Variants in TRIM2 observed in about 807,000 individuals in gnomAD.
The protein encoded by TRIM2 is tripartite motif containing 2.
In TRIM2, 20 loss-of-function variants were observed where a neutral mutation model predicts 75.2. The observed-to-expected ratio is 0.27, with a 90% CI of 0.19 to 0.39. TRIM2 has a LOEUF of 0.39. Ranked by LOEUF, TRIM2 falls within the 10% of genes least tolerant of loss-of-function variation. The pLI, the probability that TRIM2 is intolerant of heterozygous loss-of-function variation, is 1.00. For synonymous variants in TRIM2, 373 were observed against 388.3 expected (o/e 0.96, Z 0.46); for missense variants, 660 against 990.8 (o/e 0.67, Z 4.48).
At chr4:153,172,239 G>C (rs919083460) in intron 1 of TRIM2, among the ~76,000 whole-genome samples, 8 of 151,810 alleles carry the variant, frequency 5.3e-5, no homozygotes, top group Non-Finnish European at 8.8e-5. Context: ...CCAGGCCGGA[G>C]TGCAGTGGTG....
At chr4:153,197,597 C>G (rs1250827550) in intron 1 of TRIM2, among the ~76,000 whole-genome samples, 1 of 152,118 alleles carries the variant, frequency 6.6e-6, no homozygotes, top group Non-Finnish European at 1.5e-5. Context: ...ATAAAAGAGA[C>G]CAAGTGGCTC....
intron 1 of TRIM2, among the ~76,000 whole-genome samples, chr4:153,243,222 C>T (rs374350518): frequency 6.6e-6 from 1 of 152,204 alleles, no homozygotes; most frequent in African/African-American, 2.4e-5. Context: ...CTATCAGTAC[C>T]GCCAAACTGA....
chr4:153,198,490 T>A (rs1214381894), intron 1 of TRIM2, among the ~76,000 whole-genome samples: 1 of 152,160 alleles, frequency 6.6e-6, no homozygotes, highest in East Asian at 1.9e-4. Context: ...TCCCCAGCCA[T>A]GTGGAACTGT....
At chr4:153,285,761 G>A (rs979113121) in intron 3 of TRIM2, among the ~76,000 whole-genome samples, 10 of 88,410 alleles carry the variant, frequency 1.1e-4, no homozygotes, top group Non-Finnish European at 1.8e-4. Flanking sequence ...ATGTGTGTGC[G>A]TGTGTGTGTG....
At chr4:153,179,047 C>T (rs939781980) in intron 1 of TRIM2, among the ~76,000 whole-genome samples, 6 of 151,836 alleles carry the variant, frequency 4.0e-5, no homozygotes, top group Non-Finnish European at 7.4e-5. Context: ...AAAATTAGCC[C>T]AGGTATGGTG....
At chr4:153,229,981 A>G (rs1048030751) in intron 1 of TRIM2, among the ~76,000 whole-genome samples, 1 of 152,172 alleles carries the variant, frequency 6.6e-6, no homozygotes, top group Admixed American at 6.5e-5. Flanking sequence ...CAGCCAGTTC[A>G]TTCAGCTACT....
chr4:153,159,296 C>CTTTTTTTTTTT (rs11318531), intron 1 of TRIM2, among the ~76,000 whole-genome samples: 32 of 89,178 alleles, frequency 3.6e-4, no homozygotes, highest in Non-Finnish European at 4.4e-4. Flanking sequence ...TTTACAAAAT[C>CTTTTTTTTTTT]TTTTTTTTTT....
chr4:153,227,799 C>T (rs544969911), intron 1 of TRIM2, among the ~76,000 whole-genome samples: 1 of 152,012 alleles, frequency 6.6e-6, no homozygotes, highest in Non-Finnish European at 1.5e-5. Flanking sequence ...CTGACCACAC[C>T]CTCCCCCGCT....
At chr4:153,297,312 G>C (rs545131688) in intron 6 of TRIM2, among the ~76,000 whole-genome samples, 2 of 152,284 alleles carry the variant, frequency 1.3e-5, no homozygotes, top group African/African-American at 4.8e-5. Context: ...CAGAGTGGAC[G>C]AGCTTGGGTG....
chr4:153,318,962 A>T (rs1768312057), intron 8 of TRIM2, among the ~76,000 whole-genome samples: 3 of 152,234 alleles, frequency 2.0e-5, no homozygotes, highest in African/African-American at 7.2e-5. Flanking sequence ...ATAGGTGTTG[A>T]TCAAAACCCA....
At chr4:153,292,929 T>C (rs1207345460) in intron 3 of TRIM2, 53 bp from the exon 4 acceptor site, 1 of 1,496,320 alleles carries the variant, frequency 6.7e-7, no homozygotes, top group Admixed American at 2.0e-5. Flanking sequence ...TAGTGTAGAG[T>C]AAGCCCTCAA....
rs140396812 is a variant in TRIM2 at position 153,252,552 on chromosome 4, C to T, written c.31-17783C>T. On this transcript the variant is annotated intron_variant, in intron 1 of 11. Coordinates refer to ENST00000338700, the MANE Select transcript of TRIM2 (RefSeq NM_015271.5). The stretch of plus-strand genomic sequence containing the variant: ...TCTGAGATGGAGTCTCACTCTGTCA[C>T]CCAGGCTGGAGTGCAGTGGCATGAT... 1.4e-3 allele frequency among the ~76,000 whole-genome samples: 214 copies of T among 152,318 alleles called. 1 individual carries two copies. Among genetic ancestry groups the T allele is most frequent in the African/African-American group, 4.8e-3 (199 of 41,564 alleles).
At chr4:153,332,958 A>G (rs910846598) in intron 11 of TRIM2, among the ~76,000 whole-genome samples, 1 of 152,210 alleles carries the variant, frequency 6.6e-6, no homozygotes, top group African/African-American at 2.4e-5. Flanking sequence ...CCCATAAATT[A>G]TACTCCTGGC....
chr4:153,247,678 A>AAAAG (rs1749603883), intron 1 of TRIM2, among the ~76,000 whole-genome samples: 1 of 29,842 alleles, frequency 3.4e-5, no homozygotes, highest in South Asian at 7.1e-4. Flanking sequence ...ACTCTGTCTC[A>AAAAG]AAAAAAAAAA....
At chr4:153,230,085 GTCTT>G (rs1743215995) in intron 1 of TRIM2, among the ~76,000 whole-genome samples, 1 of 152,216 alleles carries the variant, frequency 6.6e-6, no homozygotes, top group Non-Finnish European at 1.5e-5. Flanking sequence ...TCCTAGATCT[GTCTT>G]TCAGTCTCTA....
At chr4:153,280,466 C>A (rs1759066827) in intron 3 of TRIM2, among the ~76,000 whole-genome samples, 1 of 144,308 alleles carries the variant, frequency 6.9e-6, no homozygotes, top group African/African-American at 2.6e-5. Context: ...TTCACTGTAA[C>A]CTCCAACTCC....
chr4:153,257,928 T>C (rs566615360), intron 1 of TRIM2, among the ~76,000 whole-genome samples: 1 of 152,304 alleles, frequency 6.6e-6, no homozygotes, highest in East Asian at 1.9e-4. Flanking sequence ...AGGCACCAAA[T>C]TAACAAGTAT....
At chr4:153,192,100 C>A (rs537973076) in intron 1 of TRIM2, among the ~76,000 whole-genome samples, 2 of 152,276 alleles carry the variant, frequency 1.3e-5, no homozygotes, top group East Asian at 3.9e-4. Context: ...TTTAGTGAAA[C>A]CCCAGAGCAA....
At chr4:153,272,394 C>A (rs192103315) in intron 2 of TRIM2, among the ~76,000 whole-genome samples, 1 of 152,292 alleles carries the variant, frequency 6.6e-6, no homozygotes, top group Admixed American at 6.5e-5. Flanking sequence ...ATGATCTGCC[C>A]AGCTCGGCCT....
Sources: gnomAD v4.1 joint callset for allele counts (sites outside exome capture counted in the v4.1 genomes callset) on GRCh38, gnomAD v4.1.1 for gene constraint, MANE v1.5 for transcripts, NCBI Gene and HGNC (gene_info 2026-07-23, HGNC 2026-07-21) for gene names.